GRID2: variants seen among roughly 807,000 people sequenced by gnomAD.
GRID2 encodes glutamate ionotropic receptor delta type subunit 2.
GRID2 carries 33 observed loss-of-function variants against 114.8 expected under a neutral mutation model. The observed-to-expected ratio is 0.29, with a 90% CI of 0.22 to 0.38. GRID2 has a LOEUF of 0.38. Among genes scored for constraint, GRID2 ranks in the 10% least tolerant of loss-of-function variants. The pLI, the probability that GRID2 is intolerant of heterozygous loss-of-function variation, is 1.00. For synonymous variants in GRID2, 505 were observed against 449.9 expected, an observed-to-expected ratio of 1.12 and a Z score of -1.55; for missense variants, 1,184 against 1,257.7, an observed-to-expected ratio of 0.94 and a Z score of 0.89.
rs560715367 is a variant in GRID2 at position 93,694,237 on chromosome 4, T to A, written c.2360+67802T>A. Among the ~76,000 whole-genome samples, 5 of 152,330 alleles carry A rather than the reference T, an allele frequency of 3.3e-5. No homozygotes were observed. The South Asian group carries it at 8.3e-4, about 25-fold the overall frequency. ...GATCCTGCTCTCCCAAACACTGCTA[T>A]GGCTCCTCCCCACTTAACTCTGCCC... is the stretch of plus-strand genomic sequence containing the variant. On this transcript the variant is annotated intron_variant, in intron 14 of 15. Coordinates refer to ENST00000282020, the MANE Select transcript of GRID2 (RefSeq NM_001510.4).
At chr4:93,117,962 T>A (rs1733434640) in intron 4 of GRID2, among the ~76,000 whole-genome samples, 1 of 152,204 alleles carries the variant, frequency 6.6e-6, no homozygotes, top group Non-Finnish European at 1.5e-5. Flanking sequence ...ACAGCATTCA[T>A]AGGATTTTAT....
In GRID2 at chr4:92,866,867, T is replaced by C. The variant is rs995546395; in HGVS notation, c.245-218128T>C. On this transcript the variant is annotated intron_variant, in intron 2 of 15. Transcript: ENST00000282020. ...CTCCCGGCCGATGTTATCCTCTTTT[T>C]GATAGCTAACTCACATATTCTCTGG... 2.0e-5 allele frequency among the ~76,000 whole-genome samples: 3 copies of C among 152,176 alleles called. No individual in the cohort carries two copies. In the East Asian group the frequency reaches 5.8e-4, roughly 29 times the overall value.
intron 1 of GRID2, among the ~76,000 whole-genome samples, chr4:92,345,698 G>T (rs997339768): frequency 4.6e-5 from 7 of 151,968 alleles, no homozygotes; most frequent in Middle Eastern, 3.2e-3. Flanking sequence ...TATCTATAAC[G>T]ATTTCCTGCT....
At chr4:92,666,273 CTATT>C (rs2149272628) in intron 2 of GRID2, among the ~76,000 whole-genome samples, 1 of 151,610 alleles carries the variant, frequency 6.6e-6, no homozygotes, top group South Asian at 2.1e-4. Flanking sequence ...TTAAAATACT[CTATT>C]TATATTTTCA....
chr4:92,962,667 A>AT (rs143831568), intron 2 of GRID2, among the ~76,000 whole-genome samples: 37 of 151,368 alleles, frequency 2.4e-4, no homozygotes, highest in South Asian at 2.1e-3. Flanking sequence ...GCATGAAGGG[A>AT]TTTTTTTTTC....
At position 92,420,887 on chromosome 4, in the gene GRID2, G is replaced by T. The variant is rs117621154; in HGVS notation, c.88+116143G>T. Among the ~76,000 whole-genome samples, 68 of 152,116 alleles carry T rather than the reference G, an allele frequency of 4.5e-4. 2 individuals carry two copies. The East Asian group carries it at 0.013, about 29-fold the overall frequency. The stretch of plus-strand genomic sequence containing the variant: ...TTCAGAAGAGATAGTGTTTTCACGT[G>T]TTGTCCAGGCTGATCTCAAACTCCT... On this transcript the variant is annotated intron_variant, in intron 1 of 15. Transcript: ENST00000282020.
intron 11 of GRID2, among the ~76,000 whole-genome samples, chr4:93,480,285 C>T (rs775757003): frequency 6.6e-6 from 1 of 151,864 alleles, no homozygotes; most frequent in Non-Finnish European, 1.5e-5. Flanking sequence ...CAAAAAAGGA[C>T]ATATCAAAAA....
At chr4:92,576,615 G>A (rs1344041469) in intron 1 of GRID2, among the ~76,000 whole-genome samples, 1 of 152,142 alleles carries the variant, frequency 6.6e-6, no homozygotes, top group East Asian at 1.9e-4. Context: ...CTGGATCTCT[G>A]CATGTGCCTG....
chr4:93,425,917 CTT>C (rs1410069021), intron 10 of GRID2, among the ~76,000 whole-genome samples: 1 of 152,030 alleles, frequency 6.6e-6, no homozygotes, highest in African/African-American at 2.4e-5. Context: ...GCTCTCCAGT[CTT>C]TTCTATATAT....
chr4:92,428,720 G>C (rs1438794086), intron 1 of GRID2, among the ~76,000 whole-genome samples: 1 of 152,116 alleles, frequency 6.6e-6, no homozygotes, highest in Non-Finnish European at 1.5e-5. Context: ...GTGAAGCTAA[G>C]ACCTACATTT....
At chr4:92,846,023 G>C (rs1022864892) in intron 2 of GRID2, among the ~76,000 whole-genome samples, 8 of 152,010 alleles carry the variant, frequency 5.3e-5, no homozygotes, top group Admixed American at 2.0e-4. Context: ...TGTCACTAGA[G>C]AAATCTATCT....
rs576467212 is a variant in GRID2 at position 93,556,245 on chromosome 4, A to G, written c.2193+40834A>G. Among the ~76,000 whole-genome samples, 178 of 152,286 alleles carry G rather than the reference A, an allele frequency of 1.2e-3. 2 individuals are homozygous for G. The highest frequency in any genetic ancestry group is 8.5e-4 in the Non-Finnish European group (58 of 68,018). On this transcript the variant is annotated intron_variant, in intron 13 of 15. Transcript: ENST00000282020. Reference sequence around the variant, plus strand: ...TCCTCGCCAGCAAGGGAACAAAACTAGATGGAGAATGAGTCTGACAAATTG... The same window carrying G: ...TCCTCGCCAGCAAGGGAACAAAACTGGATGGAGAATGAGTCTGACAAATTG...
At chr4:92,896,093 C>T (rs1436676960) in intron 2 of GRID2, among the ~76,000 whole-genome samples, 1 of 152,146 alleles carries the variant, frequency 6.6e-6, no homozygotes, top group Non-Finnish European at 1.5e-5. Context: ...TAAAAGGTGC[C>T]ATGCCTATGT....
At chr4:92,778,029 G>T (rs1293550748) in intron 2 of GRID2, among the ~76,000 whole-genome samples, 1 of 152,016 alleles carries the variant, frequency 6.6e-6, no homozygotes, top group East Asian at 1.9e-4. Context: ...GGCATTTAGG[G>T]TGCCACTAGG....
At chr4:93,107,285 T>G (rs1039001512) in intron 3 of GRID2, among the ~76,000 whole-genome samples, 40 of 152,120 alleles carry the variant, frequency 2.6e-4, no homozygotes, top group African/African-American at 9.6e-4. Context: ...GGTAATAGAG[T>G]GGGACCCTGT....
chr4:92,709,759 G>A (rs1735148696), intron 2 of GRID2, among the ~76,000 whole-genome samples: 1 of 151,680 alleles, frequency 6.6e-6, no homozygotes, highest in Non-Finnish European at 1.5e-5. Flanking sequence ...GAGTGATAAC[G>A]AATCAGGTTA....
intron 13 of GRID2, among the ~76,000 whole-genome samples, chr4:93,602,923 A>G (rs1240100094): frequency 6.6e-6 from 1 of 152,214 alleles, no homozygotes; most frequent in African/African-American, 2.4e-5. Context: ...TAAGACAGGG[A>G]AACAGGTGGG....
chr4:93,699,506 T>C (rs913197252), intron 14 of GRID2, among the ~76,000 whole-genome samples: 1 of 152,092 alleles, frequency 6.6e-6, no homozygotes, highest in Non-Finnish European at 1.5e-5. Flanking sequence ...TTCCATAAGA[T>C]ATTAATATCT....
At chr4:92,818,602 G>A (rs71599258) in intron 2 of GRID2, among the ~76,000 whole-genome samples, 5,418 of 152,120 alleles carry the variant, frequency 0.036, 132 homozygotes, top group Middle Eastern at 0.075. Flanking sequence ...TAAGTAAATG[G>A]GCAAGTGGCA....
Sources: allele counts gnomAD v4.1 joint callset (sites outside exome capture counted in the v4.1 genomes callset), GRCh38; gene constraint gnomAD v4.1.1; transcripts MANE v1.5; gene names NCBI Gene and HGNC (gene_info 2026-07-23, HGNC 2026-07-21).